The following LRP5 variants were observed in gnomAD, a reference collection of about 807,000 sequenced individuals.
The protein encoded by LRP5 is low-density lipoprotein receptor-related protein 5.
LRP5 carries 62 observed loss-of-function variants against 154.1 expected under a neutral mutation model. The observed-to-expected ratio is 0.40, with a 90% CI of 0.33 to 0.50. The LOEUF (loss-of-function observed/expected upper bound fraction) is 0.50. LRP5 is among the 20% of genes least tolerant of loss of function. LRP5 has a pLI of 0.55. For synonymous variants in LRP5, 966 were observed against 1,011.5 expected, an observed-to-expected ratio of 0.96 and a Z score of 0.85; for missense variants, 1,915 against 2,336.7, an observed-to-expected ratio of 0.82 and a Z score of 3.72.
At chr11:68,355,616 C>T (rs1465370002) in intron 2 of LRP5, among the ~76,000 whole-genome samples, 1 of 152,210 alleles carries the variant, frequency 6.6e-6, no homozygotes, top group Non-Finnish European at 1.5e-5. Flanking sequence ...ACAGGGCACA[C>T]TGGGCACTGG....
intron 1 of LRP5, among the ~76,000 whole-genome samples, chr11:68,340,493 T>C (rs758947726): frequency 6.6e-6 from 1 of 152,206 alleles, no homozygotes; most frequent in Non-Finnish European, 1.5e-5. Flanking sequence ...CTTGAGCGCT[T>C]TTCTATGAAG....
At chr11:68,378,210 G>C (rs910050997) in intron 5 of LRP5, among the ~76,000 whole-genome samples, 2 of 152,212 alleles carry the variant, frequency 1.3e-5, no homozygotes, top group African/African-American at 4.8e-5. Flanking sequence ...GGCATGGAGG[G>C]TATTAACTGT....
chr11:68,323,388 G>A (rs2098597866), intron 1 of LRP5, among the ~76,000 whole-genome samples: 1 of 152,034 alleles, frequency 6.6e-6, no homozygotes, highest in African/African-American at 2.4e-5. Flanking sequence ...GATTACAGGC[G>A]TGAGCCACCA....
intron 6 of LRP5, among the ~76,000 whole-genome samples, chr11:68,389,639 G>A (rs2098645240): frequency 6.6e-6 from 1 of 152,198 alleles, no homozygotes; most frequent in Non-Finnish European, 1.5e-5. Flanking sequence ...TACTGACACT[G>A]ACATCTACTG....
In LRP5 at chr11:68,413,916, G is replaced by C; in HGVS notation, c.2731G>C (p.Gly911Arg). The C allele has an allele frequency of 6.2e-7, 1 of 1,612,060 alleles. No individual in the cohort carries two copies. The highest frequency in any genetic ancestry group is 1.7e-5 in the Admixed American group (1 of 60,028). ...DGLNDCMHNN[G>R]QCGQLCLAIP... ...CCTCAATGACTGTATGCACAACAAC[G>C]GGCAGTGTGGGCAGCTGTGCCTTGC... Residue 911 changes from glycine (G) to arginine (R), a missense_variant, in exon 12 of 23, where the codon GGG becomes CGG. By Grantham distance (125) the Gly-to-Arg change is moderately radical. Coordinates refer to ENST00000294304, the MANE Select transcript of LRP5 (RefSeq NM_002335.4). The surrounding 1 kb of genome is among the most constrained non-coding windows in gnomAD (Gnocchi z 5.1).
chr11:68,340,879 T>A (rs2098608545), intron 1 of LRP5, among the ~76,000 whole-genome samples: 1 of 152,194 alleles, frequency 6.6e-6, no homozygotes, highest in African/African-American at 2.4e-5. Context: ...CCGCTGGTGC[T>A]TTCTCATAAC....
At chr11:68,299,624 C>T in the LRP5 span, among the ~76,000 whole-genome samples, 1 of 149,154 alleles carries the variant, frequency 6.7e-6, no homozygotes, top group African/African-American at 2.5e-5. Flanking sequence ...GTCTTGTTGC[C>T]CAGGCTGGAG....
chr11:68,352,410 G>T (rs191051875), intron 2 of LRP5, among the ~76,000 whole-genome samples: 1 of 152,232 alleles, frequency 6.6e-6, no homozygotes, highest in Non-Finnish European at 1.5e-5. Context: ...AATGTTAGCT[G>T]TCGTTATAAT....
intron 21 of LRP5, among the ~76,000 whole-genome samples, chr11:68,442,035 AGT>A (rs1441592433): frequency 1.3e-5 from 2 of 152,352 alleles, no homozygotes; most frequent in East Asian, 3.9e-4. Context: ...GGCCTCCTGC[AGT>A]GTGTTTCTTC....
chr11:68,442,122 A>C (rs1375016868), intron 21 of LRP5, among the ~76,000 whole-genome samples: 2 of 152,204 alleles, frequency 1.3e-5, no homozygotes, highest in Admixed American at 1.3e-4. Flanking sequence ...GCCAGAAGAT[A>C]ATTGTAGATT....
chr11:68,382,192 C>T (rs1432839807), intron 5 of LRP5, among the ~76,000 whole-genome samples: 2 of 152,216 alleles, frequency 1.3e-5, no homozygotes, highest in Middle Eastern at 6.3e-3. Flanking sequence ...AGGACTGCTT[C>T]GCCACAGAGG....
intron 5 of LRP5, among the ~76,000 whole-genome samples, chr11:68,381,748 G>T (rs1453478536): frequency 6.6e-6 from 1 of 152,242 alleles, no homozygotes; most frequent in Non-Finnish European, 1.5e-5. Flanking sequence ...CTCTGTAGCT[G>T]GTCCCAGGGA....
chr11:68,358,119 T>A (rs947918404), intron 3 of LRP5, among the ~76,000 whole-genome samples: 1 of 151,990 alleles, frequency 6.6e-6, no homozygotes, highest in Non-Finnish European at 1.5e-5. Context: ...TTTTTTTTTT[T>A]AACTTTGTTT....
At position 68,398,194 on chromosome 11, in the gene LRP5, G is replaced by A. The variant is rs935011415; in HGVS notation, c.1585-5289G>A. Among the ~76,000 whole-genome samples the A allele has an allele frequency of 8.5e-5, 13 of 152,188 alleles. 1 individual carries two copies. Among genetic ancestry groups the A allele is most frequent in the African/African-American group, 2.9e-4 (12 of 41,536 alleles). On this transcript the variant is annotated intron_variant, in intron 7 of 22. Coordinates refer to ENST00000294304, the MANE Select transcript of LRP5 (RefSeq NM_002335.4). ...TGGGCTCATGTCTGTTTGCACAGCC[G>A]AGTCAGAGGAAACACAGGGTTCTTC...
At chr11:68,419,602 TGG>T (rs1279579244) in intron 13 of LRP5, among the ~76,000 whole-genome samples, 1 of 149,604 alleles carries the variant, frequency 6.7e-6, no homozygotes, top group Non-Finnish European at 1.5e-5. Context: ...TGCAGTGGCG[TGG>T]TATCAACTCA....
chr11:68,393,911 T>C (rs1213523704), intron 7 of LRP5, among the ~76,000 whole-genome samples: 1 of 152,234 alleles, frequency 6.6e-6, no homozygotes, highest in African/African-American at 2.4e-5. Flanking sequence ...TGTCCCAGGC[T>C]TGCCACACCT....
intron 21 of LRP5, 108 bp downstream of exon 21, chr11:68,440,024 G>A (rs2098677341): frequency 1.1e-5 from 10 of 935,854 alleles, no homozygotes; most frequent in Non-Finnish European, 1.6e-5. Context: ...CTGTGCCACC[G>A]CCTCTGAGGC....
intron 5 of LRP5, among the ~76,000 whole-genome samples, chr11:68,370,507 A>G (rs1292902018): frequency 2.0e-5 from 3 of 151,996 alleles, no homozygotes; most frequent in African/African-American, 7.3e-5. Context: ...TGGAGCTGAC[A>G]CCACAGACAC....
At chr11:68,402,921 T>C (rs1272655118) in intron 7 of LRP5, among the ~76,000 whole-genome samples, 1 of 152,182 alleles carries the variant, frequency 6.6e-6, no homozygotes, top group Non-Finnish European at 1.5e-5. Context: ...GCCCTGTCAC[T>C]GCTCTATCAG....
Sources: gnomAD v4.1 joint callset for allele counts (sites outside exome capture counted in the v4.1 genomes callset) on GRCh38, gnomAD v4.1.1 for gene constraint, Gnocchi (gnomAD v3.1) non-coding constraint, MANE v1.5 for transcripts, NCBI Gene and HGNC (gene_info 2026-07-23, HGNC 2026-07-21) for gene names.